The following C11orf65 variants were observed in gnomAD, a reference collection of about 807,000 sequenced individuals.
C11orf65 encodes chromosome 11 open reading frame 65, also known as protein MFI.
In C11orf65, 38 loss-of-function variants were observed where a neutral mutation model predicts 35.3. The ratio of observed to expected loss-of-function variants is 1.08; its 90% confidence interval spans 0.83 to 1.41. The LOEUF (loss-of-function observed/expected upper bound fraction) is 1.41, where lower values mean the gene tolerates loss of function less well. Among genes scored for constraint, C11orf65 ranks in the 40% most tolerant of loss-of-function variants. The pLI is 0.00. For synonymous variants in C11orf65, 105 were observed against 114.4 expected, an observed-to-expected ratio of 0.92 and a Z score of 0.53; for missense variants, 370 against 367.1, an observed-to-expected ratio of 1.01 and a Z score of -0.06.
At chr11:108,435,184 CT>C (rs773148983) in intron 2 of C11orf65, among the ~76,000 whole-genome samples, 5 of 152,252 alleles carry the variant, frequency 3.3e-5, no homozygotes, top group Non-Finnish European at 5.9e-5. Context: ...TCCTGTCCTT[CT>C]TTGTACCTTT....
intron 2 of C11orf65, among the ~76,000 whole-genome samples, chr11:108,443,624 A>T (rs562013987): frequency 6.6e-6 from 1 of 152,298 alleles, no homozygotes; most frequent in Non-Finnish European, 1.5e-5. Flanking sequence ...ACTGTCTCTC[A>T]GACCACAGTG....
intron 2 of C11orf65, among the ~76,000 whole-genome samples, chr11:108,455,614 G>A (rs998146980): frequency 1.5e-4 from 23 of 151,402 alleles, no homozygotes; most frequent in South Asian, 6.3e-4. Context: ...TCAGGAGTTC[G>A]AGACCAGACT....
chr11:108,337,555 G>A (rs147829526), intron 2 of C11orf65, among the ~76,000 whole-genome samples: 139 of 152,230 alleles, frequency 9.1e-4, no homozygotes, highest in Non-Finnish European at 1.4e-3. Context: ...GTGAATGTGC[G>A]TTTCTAGCAA....
At chr11:108,383,630 A>C (rs1291297618) in intron 8 of C11orf65, among the ~76,000 whole-genome samples, 1 of 152,182 alleles carries the variant, frequency 6.6e-6, no homozygotes, top group Admixed American at 6.6e-5. Context: ...TTTCCTCTCA[A>C]GAGCTCATGT....
intron 2 of C11orf65, among the ~76,000 whole-genome samples, chr11:108,375,647 A>C (rs1007846693): frequency 3.3e-5 from 5 of 152,186 alleles, no homozygotes; most frequent in African/African-American, 1.2e-4. Context: ...ATTAACTTTA[A>C]ATGTATATGG....
rs1029186358 is a variant in C11orf65, at chr11:108,347,140, T to C, written c.227-11848A>G. ...GAGTTAAACTCAACATGGCCGGTTA[T>C]GCACATCATTTAAGTAGGCTAAAAA... On this transcript the variant is annotated intron_variant, in intron 2 of 3. Transcript: ENST00000524755. The C allele has an allele frequency of 1.7e-4, 125 of 723,264 alleles. 1 individual carries two copies. Among genetic ancestry groups the C allele is most frequent in the Admixed American group, 5.9e-4 (29 of 49,552 alleles). The allele number at this position is 723,264 out of a possible 1,614,324, so 44.8% of individuals were successfully genotyped here. A position where few individuals can be genotyped will look rare whatever the true frequency, so the allele number is the denominator to read the frequency against.
intron 6 of C11orf65, chr11:108,316,264 A>G: frequency 1.2e-6 from 1 of 862,046 alleles, no homozygotes; most frequent in Non-Finnish European, 1.9e-6. Flanking sequence ...ACATTCAGGG[A>G]TACTCCTGAA....
At chr11:108,411,050 T>C (rs913285859) in intron 3 of C11orf65, among the ~76,000 whole-genome samples, 1 of 152,150 alleles carries the variant, frequency 6.6e-6, no homozygotes, top group Non-Finnish European at 1.5e-5. Context: ...GGTTATCTTT[T>C]TCTAGCTTGA....
At chr11:108,356,954 A>C (rs2090018478) in intron 2 of C11orf65, among the ~76,000 whole-genome samples, 2 of 152,240 alleles carry the variant, frequency 1.3e-5, no homozygotes, top group African/African-American at 4.8e-5. Flanking sequence ...AAGATGGCCG[A>C]ATAGGAACAG....
intron 7 of C11orf65, among the ~76,000 whole-genome samples, chr11:108,387,237 C>T (rs1381221935): frequency 1.5e-5 from 2 of 135,574 alleles, no homozygotes; most frequent in Non-Finnish European, 3.1e-5. Flanking sequence ...TCACTGCAAC[C>T]TTGGCCTCCT....
At chr11:108,447,240 C>G (rs559759618) in intron 2 of C11orf65, among the ~76,000 whole-genome samples, 3 of 152,076 alleles carry the variant, frequency 2.0e-5, no homozygotes, top group Non-Finnish European at 2.9e-5. Flanking sequence ...AGAAAGTTAA[C>G]AAGGATACCC....
At chr11:108,356,002 A>C (rs2089871360) in intron 2 of C11orf65, 1 of 152,234 alleles carries the variant, frequency 6.6e-6, no homozygotes, top group South Asian at 2.1e-4. Flanking sequence ...TGGTAAAATT[A>C]AATCCAAGGC....
At position 108,332,766 on chromosome 11, in the gene C11orf65, G is replaced by A. The variant is rs140263969; in HGVS notation, c.300-1199C>T. ...TTTTTTGTTTTTTATTAATAGGATC[G>A]AACAGAGGCTGCAAATAGAATAATA... On this transcript the variant is annotated intron_variant, in intron 3 of 3. Coordinates refer to the C11orf65 transcript ENST00000524755. The A allele has an allele frequency of 1.2e-5, 20 of 1,612,250 alleles. No homozygotes were observed. Among genetic ancestry groups the A allele is most frequent in the African/African-American group, 5.3e-5 (4 of 74,840 alleles).
rs551077701 is a variant in C11orf65, at chr11:108,359,072, A to G, written c.227-23780T>C. On this transcript the variant is annotated intron_variant, in intron 2 of 3. Transcript: ENST00000524755. ...ACCCATCTCACGTGCAGAGACACAC[A>G]TAGGCTCAAAATAAAAGGATGGAGG... is the stretch of plus-strand genomic sequence containing the variant. Among the ~76,000 whole-genome samples the G allele has an allele frequency of 5.4e-5, 8 of 149,488 alleles. No homozygotes were observed. The South Asian group carries it at 1.3e-3, about 24-fold the overall frequency.
At chr11:108,442,390 G>T (rs1234372432) in intron 2 of C11orf65, among the ~76,000 whole-genome samples, 1 of 152,150 alleles carries the variant, frequency 6.6e-6, no homozygotes, top group Non-Finnish European at 1.5e-5. Context: ...AATCAAGTTG[G>T]AAAACACTCT....
intron 2 of C11orf65, among the ~76,000 whole-genome samples, chr11:108,376,665 C>G (rs1162650028): frequency 1.4e-4 from 22 of 151,980 alleles, no homozygotes; most frequent in South Asian, 4.2e-4. Context: ...CACAAAAAAC[C>G]GTTCAAAAAA....
At chr11:108,451,183 A>C (rs2093343059) in intron 2 of C11orf65, among the ~76,000 whole-genome samples, 2 of 152,086 alleles carry the variant, frequency 1.3e-5, no homozygotes, top group East Asian at 3.9e-4. Context: ...AAAGAAATAA[A>C]GGGTATTCAA....
At chr11:108,314,100 A>G (rs2084399194) in intron 6 of C11orf65, among the ~76,000 whole-genome samples, 1 of 151,932 alleles carries the variant, frequency 6.6e-6, no homozygotes, top group African/African-American at 2.4e-5. Context: ...GTAGGACTGT[A>G]TTTTCTAATG....
intron 2 of C11orf65, among the ~76,000 whole-genome samples, chr11:108,447,708 C>T (rs536790506): frequency 6.6e-6 from 1 of 152,068 alleles, no homozygotes; most frequent in Non-Finnish European, 1.5e-5. Flanking sequence ...GACACCCTAA[C>T]ATCACAATTA....
Sources: gnomAD v4.1 joint callset for allele counts (sites outside exome capture counted in the v4.1 genomes callset) on GRCh38, gnomAD v4.1.1 for gene constraint, MANE v1.5 for transcripts, NCBI Gene and HGNC (gene_info 2026-07-23, HGNC 2026-07-21) for gene names.